Variants in MACF1 observed in about 807,000 individuals in gnomAD.
MACF1 encodes the protein microtubule actin crosslinking factor 1.
Under a neutral mutation model 854.8 loss-of-function variants are expected in MACF1, and 193 were observed. The observed-to-expected ratio is 0.23, with a 90% CI of 0.20 to 0.25. The LOEUF is 0.25. MACF1 is among the 10% of genes least tolerant of loss of function. The pLI is 1.00. For missense variants in MACF1, 7,722 were observed against 8,929.1 expected (o/e 0.86, Z 5.45); for synonymous variants, 3,185 against 3,226.7 (o/e 0.99, Z 0.44).
chr1:39,375,364 C>T (rs200871289), intron 52 of MACF1, among the ~76,000 whole-genome samples: 111 of 151,680 alleles, frequency 7.3e-4, no homozygotes, highest in Admixed American at 1.3e-3. Context: ...TGCAGTGGCA[C>T]GATCTCGGCT....
chr1:39,295,969 G>T, intron 20 of MACF1, 87 bp downstream of exon 20: 1 of 1,175,730 alleles, frequency 8.5e-7, no homozygotes, highest in East Asian at 2.5e-5. Context: ...GTGTGCTTTT[G>T]TTGTATAAAC....
chr1:39,105,541 G>C lies in MACF1; in HGVS notation c.220+21103G>C. The C allele has an allele frequency of 9.5e-7, 1 of 1,054,406 alleles. No individual in the cohort carries two copies. Among genetic ancestry groups the C allele is most frequent in the South Asian group, 2.7e-5 (1 of 36,556 alleles). 65.3% of individuals were successfully genotyped at this position (1,054,406 alleles called of 1,614,324 possible). On this transcript the variant is annotated intron_variant, in intron 2 of 93. Transcript: ENST00000361689. The surrounding 1 kb of genome is among the most constrained non-coding windows in gnomAD (Gnocchi z 5.9). ...CCGTCTCTGAGACGCACAAAGGGTCGAGGCTGGGGCCGCCGCCGCCTCAGC... is the reference window on the plus strand; with the variant it reads ...CCGTCTCTGAGACGCACAAAGGGTCCAGGCTGGGGCCGCCGCCGCCTCAGC...
At chr1:39,324,763 A>G in intron 35 of MACF1, 29 bp downstream of exon 35, 1 of 1,503,308 alleles carries the variant, frequency 6.7e-7, no homozygotes, top group Non-Finnish European at 9.3e-7. Flanking sequence ...ATTATGGCAC[A>G]TCTGGGGCAC....
intron 31 of MACF1, 144 bp from the exon 32 acceptor site, chr1:39,322,464 C>T: frequency 1.5e-6 from 1 of 649,214 alleles, no homozygotes; most frequent in Non-Finnish European, 2.8e-6. Flanking sequence ...TATTTTCTGT[C>T]TGGCCTTTTA....
intron 2 of MACF1, among the ~76,000 whole-genome samples, chr1:39,134,708 C>T (rs538832243): frequency 4.3e-4 from 66 of 152,256 alleles, no homozygotes; most frequent in African/African-American, 1.3e-3. Context: ...TTGGTTGGCA[C>T]ATAGTATGTA....
chr1:39,192,981 G>A (rs1644275225), intron 2 of MACF1, among the ~76,000 whole-genome samples: 1 of 152,078 alleles, frequency 6.6e-6, no homozygotes, highest in African/African-American at 2.4e-5. Context: ...GCATGGTGGC[G>A]CATGCCTGTA....
At chr1:39,435,426 G>T in intron 69 of MACF1, 132 bp from the exon 70 acceptor site, 1 of 694,156 alleles carries the variant, frequency 1.4e-6, no homozygotes, top group Non-Finnish European at 2.4e-6. Flanking sequence ...CAAATGGTGA[G>T]ATGCTGGGCC....
rs530694747 is a variant in MACF1 at position 39,264,743 on chromosome 1, G to A, written c.528+6715G>A. Among the ~76,000 whole-genome samples, 5 of 146,372 alleles carry A rather than the reference G, an allele frequency of 3.4e-5. No individual in the cohort carries two copies. In the South Asian group the frequency reaches 8.6e-4, roughly 25 times the overall value. Reference sequence around the variant, plus strand: ...CTGCGGACTGCAGTGGCACAATCTCGGCTCACTGCAAGCTCCGCTTCCCGG... The same window carrying A: ...CTGCGGACTGCAGTGGCACAATCTCAGCTCACTGCAAGCTCCGCTTCCCGG... On this transcript the variant is annotated intron_variant, in intron 6 of 100. Transcript: ENST00000564288.
Position 39,411,395 on chromosome 1 carries a change from A to T in MACF1, c.15817-10979A>T, listed in dbSNP as rs377500375. On this transcript the variant is annotated intron_variant, in intron 58 of 100. Transcript: ENST00000564288. ...ACAGCAGTGGTGGAGGATGGATCCG[A>T]TTGCTTAGCTGCTGTCTTGAGGACT... 8 of 1,613,986 alleles carry T rather than the reference A, an allele frequency of 5.0e-6. 1 individual carries two copies. The South Asian group carries it at 8.8e-5, about 18-fold the overall frequency.
At chr1:39,245,205 C>T (rs1644969312) in intron 2 of MACF1, among the ~76,000 whole-genome samples, 1 of 152,150 alleles carries the variant, frequency 6.6e-6, no homozygotes, top group Non-Finnish European at 1.5e-5. Flanking sequence ...CAAGTTGCCT[C>T]CTTTGTCTTT....
At chr1:39,367,223 A>G (rs893246124) in intron 49 of MACF1, among the ~76,000 whole-genome samples, 1 of 152,168 alleles carries the variant, frequency 6.6e-6, no homozygotes, top group Non-Finnish European at 1.5e-5. Context: ...CTAGGATTAC[A>G]GACGTGAGCC....
intron 6 of MACF1, 49 bp from the exon 7 acceptor site, chr1:39,282,159 G>T (rs780648781): frequency 1.3e-6 from 2 of 1,590,080 alleles, no homozygotes; most frequent in Non-Finnish European, 1.7e-6. Flanking sequence ...AAGGCTAAAA[G>T]ACTTTGTCTT....
At chr1:39,167,444 T>C (rs1046528945) in intron 2 of MACF1, among the ~76,000 whole-genome samples, 1 of 151,076 alleles carries the variant, frequency 6.6e-6, no homozygotes. Context: ...CGGTGGCTCA[T>C]GCCTGTAATC....
chr1:39,236,546 A>AT (rs1644861391), intron 2 of MACF1, among the ~76,000 whole-genome samples: 1 of 152,234 alleles, frequency 6.6e-6, no homozygotes, highest in South Asian at 2.1e-4. Context: ...GAGTGTTTAT[A>AT]TACATGGTGT....
intron 2 of MACF1, among the ~76,000 whole-genome samples, chr1:39,098,073 T>A (rs1385226751): frequency 6.6e-6 from 1 of 152,230 alleles, no homozygotes; most frequent in African/African-American, 2.4e-5. Flanking sequence ...GGTAAGACCC[T>A]GTCCTGCCTC....
At position 39,484,594 on chromosome 1, in the gene MACF1, T is replaced by C. The variant is rs753116581; in HGVS notation, c.22282-7T>C. 2 of 1,604,748 alleles carry C rather than the reference T, an allele frequency of 1.2e-6. No individual in the cohort carries two copies. Among genetic ancestry groups the C allele is most frequent in the South Asian group, 2.2e-5 (2 of 89,138 alleles). ...TAAAATGTGACCTTTTTATTATTTT[T>C]TTTAAGGTTATCCCATCATCAGGTA... is the stretch of plus-strand genomic sequence containing the variant. On this transcript the variant is annotated splice_region_variant and splice_polypyrimidine_tract_variant and intron_variant, in intron 99 of 100. Coordinates refer to ENST00000564288, the MANE Select transcript of MACF1 (RefSeq NM_001394062.1).
chr1:39,166,732 C>T (rs188521751), intron 2 of MACF1, among the ~76,000 whole-genome samples: 1 of 151,030 alleles, frequency 6.6e-6, no homozygotes, highest in Non-Finnish European at 1.5e-5. Flanking sequence ...GGATTACAGG[C>T]GTGAGCTGTG....
chr1:39,340,870 A>C lies in MACF1; in HGVS notation c.10498A>C (p.Asn3500His). 1 of 1,614,110 alleles carries C rather than the reference A, an allele frequency of 6.2e-7. No homozygotes were observed. The highest frequency in any genetic ancestry group is 1.1e-5 in the South Asian group (1 of 91,058). ...TCAAGATCTGAGAGCCTGGGTTGGC[A>C]ATAAAAATCTTATTCTGAACAGCAA... ...RLQDLRAWVG[N>H]KNLILNSKGS... Residue 3500 changes from asparagine to histidine, a missense_variant, in exon 40 of 101, where the codon AAT becomes CAT. Physicochemically the swap from Asn to His is moderately conservative, Grantham distance 68. Around this residue, in one of 15 missense-constraint regions of MACF1, gnomAD observed 854 missense variants for 852.6 expected, o/e 1.00. Coordinates refer to ENST00000564288, the MANE Select transcript of MACF1 (RefSeq NM_001394062.1).
At chr1:39,209,772 C>G (rs190171000) in intron 1 of MACF1, among the ~76,000 whole-genome samples, 444 of 152,162 alleles carry the variant, frequency 2.9e-3, no homozygotes, top group Non-Finnish European at 5.0e-3. Context: ...CCTTGGTTTT[C>G]TTGAACTTCA....
Sources: gnomAD v4.1 joint callset for allele counts (sites outside exome capture counted in the v4.1 genomes callset) on GRCh38, gnomAD v4.1.1 for gene constraint, gnomAD v4.1.1 regional missense constraint, Gnocchi (gnomAD v3.1) non-coding constraint, MANE v1.5 for transcripts, NCBI Gene and HGNC (gene_info 2026-07-23, HGNC 2026-07-21) for gene names.